Variants in LYPLA1 observed in about 807,000 individuals in gnomAD.
The protein encoded by LYPLA1 is acyl-protein thioesterase 1.
A neutral mutation model predicts 34.0 loss-of-function variants in LYPLA1; 17 were observed. The observed-to-expected ratio is 0.50, with a 90% CI of 0.34 to 0.75. LYPLA1 has a LOEUF of 0.75. LYPLA1 is among the 30% of genes least tolerant of loss of function. The pLI, the probability that LYPLA1 is intolerant of heterozygous loss-of-function variation, is 0.01. For synonymous variants in LYPLA1, 98 were observed against 100.8 expected, an observed-to-expected ratio of 0.97 and a Z score of 0.17; for missense variants, 203 against 288.8, an observed-to-expected ratio of 0.70 and a Z score of 2.15.
intron 2 of LYPLA1, among the ~76,000 whole-genome samples, chr8:54,095,031 G>T (rs1204948726): frequency 1.3e-5 from 2 of 151,856 alleles, no homozygotes; most frequent in Non-Finnish European, 2.9e-5. Context: ...CCAGAATAAA[G>T]GAATTTTTTT....
intron 1 of LYPLA1, 122 bp downstream of exon 1, chr8:54,101,633 G>C: frequency 8.7e-7 from 1 of 1,145,922 alleles, no homozygotes; most frequent in Non-Finnish European, 1.1e-6. Context: ...CACCCCACCC[G>C]GGCCGGGAGG....
intron 2 of LYPLA1, among the ~76,000 whole-genome samples, chr8:54,083,812 A>C (rs1480897647): frequency 6.6e-6 from 1 of 152,216 alleles, no homozygotes; most frequent in Non-Finnish European, 1.5e-5. Flanking sequence ...GCTCAAATGG[A>C]AATGTATAGC....
intron 6 of LYPLA1, among the ~76,000 whole-genome samples, chr8:54,053,874 A>C (rs868301455): frequency 3.3e-5 from 5 of 152,366 alleles, no homozygotes; most frequent in Middle Eastern, 3.4e-3. Flanking sequence ...AGGATGCCAC[A>C]GACTCATTGC....
intron 2 of LYPLA1, among the ~76,000 whole-genome samples, chr8:54,080,088 T>C (rs1304338388): frequency 2.6e-5 from 4 of 152,076 alleles, no homozygotes; most frequent in Non-Finnish European, 1.5e-5. Context: ...AAATCACACT[T>C]ATAAAATAAT....
At chr8:54,091,845 T>C (rs951524680) in intron 2 of LYPLA1, among the ~76,000 whole-genome samples, 1 of 152,146 alleles carries the variant, frequency 6.6e-6, no homozygotes, top group African/African-American at 2.4e-5. Flanking sequence ...TCCCAGCACT[T>C]TGGGAGGCCC....
chr8:54,062,682 T>A (rs1806745354), intron 4 of LYPLA1, among the ~76,000 whole-genome samples: 1 of 152,088 alleles, frequency 6.6e-6, no homozygotes, highest in Non-Finnish European at 1.5e-5. Flanking sequence ...CGGCTAATTT[T>A]TGTATTTTTA....
chr8:54,089,496 G>GA (rs1554549491), intron 2 of LYPLA1, among the ~76,000 whole-genome samples: 2 of 145,618 alleles, frequency 1.4e-5, no homozygotes, highest in South Asian at 4.3e-4. Context: ...CATCCCTGGG[G>GA]GGGGGCGGGA....
Position 54,075,365 on chromosome 8 carries a change from T to C in LYPLA1, c.102-9552A>G, listed in dbSNP as rs371680609. ...AAATCAACAGCCGATTTGGATACCA[T>C]CAAGACACCTGAAACCTTATCAGAT... On this transcript the variant is annotated intron_variant, in intron 2 of 8. Transcript: ENST00000316963. Among the ~76,000 whole-genome samples the C allele has an allele frequency of 2.2e-4, 34 of 152,320 alleles. No individual in the cohort carries two copies. In the East Asian group the frequency reaches 4.6e-3, roughly 21 times the overall value.
intron 3 of LYPLA1, among the ~76,000 whole-genome samples, chr8:54,065,129 C>A (rs1170569553): frequency 1.3e-5 from 2 of 152,152 alleles, no homozygotes; most frequent in South Asian, 2.1e-4. Flanking sequence ...AGAGTTCTCA[C>A]AAATCTAACA....
intron 2 of LYPLA1, among the ~76,000 whole-genome samples, chr8:54,085,125 C>T (rs149716332): frequency 5.3e-5 from 8 of 152,346 alleles, no homozygotes; most frequent in South Asian, 4.1e-4. Flanking sequence ...CTCAGCCTGC[C>T]GAAGGCGCGC....
chr8:54,087,889 C>A (rs1363293049), intron 2 of LYPLA1, among the ~76,000 whole-genome samples: 1 of 152,146 alleles, frequency 6.6e-6, no homozygotes, highest in Admixed American at 6.6e-5. Context: ...GTACACCGAA[C>A]AAAGGAGACA....
chr8:54,087,886 G>C (rs367875164), intron 2 of LYPLA1, among the ~76,000 whole-genome samples: 10 of 152,166 alleles, frequency 6.6e-5, no homozygotes, highest in Admixed American at 2.6e-4. Context: ...AGAGTACACC[G>C]AACAAAGGAG....
intron 5 of LYPLA1, among the ~76,000 whole-genome samples, chr8:54,058,769 C>T (rs1389600712): frequency 2.0e-5 from 3 of 151,258 alleles, no homozygotes; most frequent in Non-Finnish European, 4.4e-5. Context: ...TTTGTAGCGA[C>T]TCTTGCCCAG....
At chr8:54,071,893 T>A (rs1364688175) in intron 2 of LYPLA1, among the ~76,000 whole-genome samples, 3 of 151,992 alleles carry the variant, frequency 2.0e-5, no homozygotes, top group Non-Finnish European at 4.4e-5. Flanking sequence ...GTTTTAAAAT[T>A]CACATGGAAC....
At position 54,062,489 on chromosome 8, in the gene LYPLA1, CTATTTATT is replaced by C. The variant is rs200422693; in HGVS notation, c.216-173_216-166del. ...ATTTATTTTTTGAGACGAAGTCTCA[CTATTTATT>C]TATTTATTTATTTATTTATTTATTT... On this transcript the variant is annotated intron_variant, in intron 4 of 8. Transcript: ENST00000316963. Among the ~76,000 whole-genome samples the C allele has an allele frequency of 3.0e-3, 443 of 149,006 alleles. 4 individuals are homozygous for C. Among genetic ancestry groups the C allele is most frequent in the Middle Eastern group, 7.1e-3 (2 of 282 alleles).
At chr8:54,046,245 A>G (rs979033570), downstream of LYPLA1, 2 of 152,180 alleles carry the variant, frequency 1.3e-5, no homozygotes, top group Non-Finnish European at 2.9e-5. Flanking sequence ...TAAGTCAACC[A>G]CACCATCATC....
chr8:54,065,860 C>T, intron 2 of LYPLA1, 47 bp from the exon 3 acceptor site: 2 of 1,252,570 alleles, frequency 1.6e-6, no homozygotes, highest in Non-Finnish European at 2.3e-6. Context: ...TGTTTTAAAT[C>T]CCAGTAAGTA....
At position 54,075,644 on chromosome 8, in the gene LYPLA1, T is replaced by C. The variant is rs554061916; in HGVS notation, c.102-9831A>G. 4.6e-5 allele frequency among the ~76,000 whole-genome samples: 7 copies of C among 152,336 alleles called. No individual in the cohort carries two copies. The South Asian group carries it at 1.0e-3, about 23-fold the overall frequency. ...ACCACTGCCTTGAGTATTCCTTCAA[T>C]AAGGGCTGACACAGAGAACAATTAT... On this transcript the variant is annotated intron_variant, in intron 2 of 8. Transcript: ENST00000316963.
chr8:54,057,661 G>A (rs1806306894), intron 5 of LYPLA1, among the ~76,000 whole-genome samples: 1 of 152,144 alleles, frequency 6.6e-6, no homozygotes, highest in South Asian at 2.1e-4. Context: ...ATCAGAGGCT[G>A]GAAGGGTAGA....
Sources: gnomAD v4.1 joint callset for allele counts (sites outside exome capture counted in the v4.1 genomes callset) on GRCh38, gnomAD v4.1.1 for gene constraint, MANE v1.5 for transcripts, NCBI Gene and HGNC (gene_info 2026-07-23, HGNC 2026-07-21) for gene names.